MBD3: variants seen among roughly 807,000 people sequenced by gnomAD.
The protein encoded by MBD3 is methyl-CpG-binding domain protein 3.
In MBD3, 13 loss-of-function variants were observed where a neutral mutation model predicts 31.2. That is an observed-to-expected ratio of 0.42 (90% confidence interval 0.27 to 0.66). The LOEUF (loss-of-function observed/expected upper bound fraction) is 0.66, where lower values mean the gene tolerates loss of function less well. Ranked by LOEUF, MBD3 falls within the 30% of genes least tolerant of loss-of-function variation. The pLI, the probability that MBD3 is intolerant of heterozygous loss-of-function variation, is 0.26. For synonymous variants in MBD3, 223 were observed against 187.4 expected (o/e 1.19, Z -1.55); for missense variants, 440 against 426.5 (o/e 1.03, Z -0.28).
At chr19:1,583,867 G>A (rs958248405) in intron 3 of MBD3, among the ~76,000 whole-genome samples, 3 of 152,062 alleles carry the variant, frequency 2.0e-5, no homozygotes, top group African/African-American at 7.2e-5. Flanking sequence ...TGTCGCCCAG[G>A]CAGGAGTGCA....
rs1369680810 is a variant in MBD3, at chr19:1,584,493, T to C, written c.408+47A>G. On this transcript the variant is annotated intron_variant, in intron 3 of 6. Coordinates refer to ENST00000434436, the MANE Select transcript of MBD3 (RefSeq NM_001281453.2). ...CATTCCAAACGTCCACCCACCAAAG[T>C]GAACAACCCGGCCGGGAAGGCTGGG... 7.5e-6 allele frequency: 12 copies of C among 1,607,672 alleles called. No homozygotes were observed. The African/African-American group carries it at 1.3e-4, about 18-fold the overall frequency.
chr19:1,592,429 C>G (rs1361672819), intron 1 of MBD3, 93 bp downstream of exon 1: 1 of 386,818 alleles, frequency 2.6e-6, no homozygotes, highest in Non-Finnish European at 3.9e-6. Context: ...GCGCGGGGCC[C>G]AGGCCGCGGC....
intron 1 of MBD3, among the ~76,000 whole-genome samples, chr19:1,590,405 T>C (rs774543717): frequency 6.6e-6 from 1 of 152,186 alleles, no homozygotes; most frequent in Non-Finnish European, 1.5e-5. Context: ...GTTAACTGCT[T>C]GAGTCCAGGA....
Position 1,585,567 on chromosome 19 carries a change from CCCCACCGTAGGCCCT to C in MBD3, c.111-368_111-354del. 3.0e-6 allele frequency: 1 copy of C among 330,766 alleles called. No individual in the cohort carries two copies. The highest frequency in any genetic ancestry group is 5.8e-6 in the Non-Finnish European group (1 of 173,322). The allele number at this position is 330,766 out of a possible 1,614,324, so 20.5% of individuals were successfully genotyped here. A position where few individuals can be genotyped will look rare whatever the true frequency, so the allele number is the denominator to read the frequency against. ...CCAACCCCGGTCCCCTCTGAATCCT[CCCCACCGTAGGCCCT>C]GGCAGCGTCAGGCACAGCAGACGCT... On this transcript the variant is annotated intron_variant, in intron 1 of 6. Coordinates refer to ENST00000434436, the MANE Select transcript of MBD3 (RefSeq NM_001281453.2). This position sits in a 1 kb window ranked among gnomAD's most constrained non-coding sequence, Gnocchi z 4.1.
Position 1,575,034 on chromosome 19 carries a change from G to A in MBD3, c.*3130C>T, listed in dbSNP as rs1915527462. On this transcript the variant is annotated 3_prime_UTR_variant, in exon 7 of 7. Transcript: ENST00000434436. ...GGCTGGGAGGTGCATCCTCGCCACGGGGGTCCTGAGCCTCTCCTCCCTGGT... is the reference window on the plus strand; with the variant it reads ...GGCTGGGAGGTGCATCCTCGCCACGAGGGTCCTGAGCCTCTCCTCCCTGGT... The A allele has an allele frequency of 2.8e-6, 1 of 360,626 alleles. No individual in the cohort carries two copies. Among genetic ancestry groups the A allele is most frequent in the African/African-American group, 2.1e-5 (1 of 46,558 alleles). 22.3% of individuals were successfully genotyped at this position (360,626 alleles called of 1,614,324 possible).
In MBD3 at chr19:1,577,160, T is replaced by TGGGCAGCAG. The variant is rs1343187067; in HGVS notation, c.*995_*1003dup. ...TGAACCCACCCGTAGGAGCCCTCACTGGGCAGCAGGGCCAGGAGGGCACCA... is the reference window on the plus strand; with the variant it reads ...TGAACCCACCCGTAGGAGCCCTCACTGGGCAGCAGGGGCAGCAGGGCCAGGAGGGCACCA... On this transcript the variant is annotated 3_prime_UTR_variant, in exon 7 of 7. Transcript: ENST00000434436. 1 of 152,436 alleles carries TGGGCAGCAG rather than the reference T, an allele frequency of 6.6e-6. No individual in the cohort carries two copies. Among genetic ancestry groups the TGGGCAGCAG allele is most frequent in the African/African-American group, 2.4e-5 (1 of 41,448 alleles). The allele number at this position is 152,436 out of a possible 1,614,324, so 9.4% of individuals were successfully genotyped here.
chr19:1,581,375 T>C lies in MBD3; in HGVS notation c.500-106A>G, dbSNP rs1385945267. 8 of 1,149,572 alleles carry C rather than the reference T, an allele frequency of 7.0e-6. No individual in the cohort carries two copies. The African/African-American group carries it at 9.2e-5, about 13-fold the overall frequency. The allele number at this position is 1,149,572 out of a possible 1,614,324, so 71.2% of individuals were successfully genotyped here. On this transcript the variant is annotated intron_variant, in intron 4 of 6. Coordinates refer to ENST00000434436, the MANE Select transcript of MBD3 (RefSeq NM_001281453.2). The stretch of plus-strand genomic sequence containing the variant: ...CCAAGAATGGGAGCTGCCACCTTCT[T>C]GGAAGGAACCCCAACTTGGGTTCCA...
intron 3 of MBD3, among the ~76,000 whole-genome samples, 193 bp downstream of exon 3, chr19:1,584,347 G>T (rs535133923): frequency 6.6e-6 from 1 of 152,312 alleles, no homozygotes; most frequent in South Asian, 2.1e-4. Flanking sequence ...CTCCCCAGAA[G>T]CTGGGACCAC....
chr19:1,586,815 C>T (rs973149948), intron 1 of MBD3, among the ~76,000 whole-genome samples: 1 of 151,692 alleles, frequency 6.6e-6, no homozygotes, highest in South Asian at 2.1e-4. Flanking sequence ...TACAGGTGCC[C>T]GCCACCACAC....
chr19:1,580,958 C>T, intron 5 of MBD3, 134 bp downstream of exon 5: 2 of 1,180,928 alleles, frequency 1.7e-6, no homozygotes, highest in Non-Finnish European at 2.5e-6. Flanking sequence ...GTCCCCTTGC[C>T]CTGGCTGTTT....
At position 1,584,697 on chromosome 19, in the gene MBD3, C is replaced by G. The variant is rs564662395; in HGVS notation, c.271-20G>C. 212 of 1,607,046 alleles carry G rather than the reference C, an allele frequency of 1.3e-4. 2 individuals carry two copies. The South Asian group carries it at 2.2e-3, about 17-fold the overall frequency. On this transcript the variant is annotated intron_variant, in intron 2 of 6. Coordinates refer to ENST00000434436, the MANE Select transcript of MBD3 (RefSeq NM_001281453.2). ...CTTGCCCTGCGGGAGGAAGGATATG[C>G]AGTCCGGCCTGGGGGCGCCCCGGCG...
chr19:1,578,573 G>T lies in MBD3; in HGVS notation c.678-35C>A. ...CATGGACCTTGCGTTACACCAAGGT[G>T]AGCGGCCAGCAGGACATGGACACAG... On this transcript the variant is annotated intron_variant, in intron 5 of 6. Transcript: ENST00000434436. The surrounding 1 kb of genome is among the most constrained non-coding windows in gnomAD (Gnocchi z 6.1). 6.2e-7 allele frequency: 1 copy of T among 1,609,406 alleles called. No individual in the cohort carries two copies. Among genetic ancestry groups the T allele is most frequent in the South Asian group, 1.1e-5 (1 of 91,058 alleles).
intron 1 of MBD3, among the ~76,000 whole-genome samples, chr19:1,589,639 C>A (rs573069539): frequency 6.6e-6 from 1 of 152,030 alleles, no homozygotes; most frequent in Non-Finnish European, 1.5e-5. Flanking sequence ...GGTGACAAAG[C>A]GGGACTACTT....
intron 1 of MBD3, among the ~76,000 whole-genome samples, chr19:1,590,255 G>A (rs956162696): frequency 1.3e-4 from 20 of 152,150 alleles, no homozygotes; most frequent in African/African-American, 4.3e-4. Flanking sequence ...CTGGGATTGC[G>A]TCACTGCACT....
chr19:1,584,802 A>C, intron 2 of MBD3, 125 bp from the exon 3 acceptor site: 1 of 1,090,724 alleles, frequency 9.2e-7, no homozygotes, highest in Non-Finnish European at 1.2e-6. Context: ...GCCCGCCAGG[A>C]CCCCCACGGT....
At chr19:1,588,674 G>A (rs1355037909) in intron 1 of MBD3, among the ~76,000 whole-genome samples, 4 of 151,410 alleles carry the variant, frequency 2.6e-5, no homozygotes, top group South Asian at 2.1e-4. Context: ...CCAGCTACTC[G>A]GGAGGCTGAC....
intron 3 of MBD3, among the ~76,000 whole-genome samples, chr19:1,583,586 G>A (rs953441211): frequency 6.6e-6 from 1 of 152,002 alleles, no homozygotes; most frequent in African/African-American, 2.4e-5. Context: ...GGCCAGGTGA[G>A]TTGGCTCACA....
intron 1 of MBD3, among the ~76,000 whole-genome samples, chr19:1,591,428 C>T (rs2060703041): frequency 6.6e-6 from 1 of 152,158 alleles, no homozygotes; most frequent in African/African-American, 2.4e-5. Flanking sequence ...CCACAGAGGA[C>T]CGAAGTGCAC....
chr19:1,581,136 C>T lies in MBD3; in HGVS notation c.633G>A (p.Thr211=), dbSNP rs562280304. The T allele has an allele frequency of 8.1e-6, 13 of 1,614,130 alleles. No individual in the cohort carries two copies. The highest frequency in any genetic ancestry group is 6.7e-5 in the Admixed American group (4 of 60,014). ...CCATGAAGGCTTTGCACAGGGGCTG[C>T]GTGGTGTTGAGCCATACGCCGGGGT... The part of the protein sequence containing the change: ...EKNPGVWLNT[T]QPLCKAFMVT... Residue 211 remains threonine (T), a synonymous_variant, in exon 5 of 7, where the codon ACG becomes ACA. Transcript: ENST00000434436.
Sources: allele counts gnomAD v4.1 joint callset (sites outside exome capture counted in the v4.1 genomes callset), GRCh38; gene constraint gnomAD v4.1.1; non-coding constraint Gnocchi (gnomAD v3.1); transcripts MANE v1.5; gene names NCBI Gene and HGNC (gene_info 2026-07-23, HGNC 2026-07-21).